The following RRAS2 variants were observed in gnomAD, a reference collection of about 807,000 sequenced individuals.
The protein encoded by RRAS2 is ras-related protein R-Ras2.
A neutral mutation model predicts 27.6 loss-of-function variants in RRAS2; 7 were observed. The observed-to-expected ratio is 0.25, with a 90% confidence interval of 0.14 to 0.48. The LOEUF is 0.48. Among genes scored for constraint, RRAS2 ranks in the 20% least tolerant of loss-of-function variants. RRAS2 has a pLI of 0.99. For synonymous variants in RRAS2, 86 were observed against 90.9 expected (o/e 0.95, Z 0.31); for missense variants, 178 against 256.2 (o/e 0.69, Z 2.08).
chr11:14,293,832 C>A (rs1484716342), intron 4 of RRAS2, among the ~76,000 whole-genome samples: 1 of 152,068 alleles, frequency 6.6e-6, no homozygotes, highest in African/African-American at 2.4e-5. Context: ...TGTTCCCCTC[C>A]CCTACAAAAA....
intron 1 of RRAS2, among the ~76,000 whole-genome samples, chr11:14,338,567 G>A (rs1394214668): frequency 6.6e-6 from 1 of 152,128 alleles, no homozygotes; most frequent in African/African-American, 2.4e-5. Flanking sequence ...CTGAGGTCAA[G>A]TTTTAAATTT....
chr11:14,302,548 G>A (rs1025268621), intron 1 of RRAS2, among the ~76,000 whole-genome samples: 7 of 152,152 alleles, frequency 4.6e-5, no homozygotes, highest in African/African-American at 1.4e-4. Flanking sequence ...AGCTAGTTTA[G>A]GGAAGGCATA....
In RRAS2 at chr11:14,359,134, C is replaced by G; in HGVS notation, c.-264G>C. 1 of 1,037,370 alleles carries G rather than the reference C, an allele frequency of 9.6e-7. No individual in the cohort carries two copies. Among genetic ancestry groups the G allele is most frequent in the Non-Finnish European group, 1.2e-6 (1 of 864,518 alleles). The allele number at this position is 1,037,370 out of a possible 1,614,324, so 64.3% of individuals were successfully genotyped here. On this transcript the variant is annotated 5_prime_UTR_variant, in exon 1 of 6. Transcript: ENST00000256196. ...GGGGGGCGCGCTCCTCTACGCGTCTCCGCAGCGCCTGCCGAACGCAGCCTC... is the reference window on the plus strand; with the variant it reads ...GGGGGGCGCGCTCCTCTACGCGTCTGCGCAGCGCCTGCCGAACGCAGCCTC...
At chr11:14,312,027 G>C (rs1591463471) in intron 1 of RRAS2, among the ~76,000 whole-genome samples, 1 of 152,032 alleles carries the variant, frequency 6.6e-6, no homozygotes, top group African/African-American at 2.4e-5. Flanking sequence ...ACCACACCTG[G>C]CTAATTTTTG....
At chr11:14,279,512 T>A in intron 5 of RRAS2, 88 bp from the exon 6 acceptor site, 1 of 972,772 alleles carries the variant, frequency 1.0e-6, no homozygotes, top group Non-Finnish European at 1.6e-6. Context: ...AGTTCACTTT[T>A]AAGTGTGTAT....
Position 14,358,879 on chromosome 11 carries a change from TAC to T in RRAS2, c.-11_-10del. 1 of 1,442,638 alleles carries T rather than the reference TAC, an allele frequency of 6.9e-7. No individual in the cohort carries two copies. The highest frequency in any genetic ancestry group is 3.1e-5 in the East Asian group (1 of 31,784). 89.4% of individuals were successfully genotyped at this position (1,442,638 alleles called of 1,614,324 possible). Reference sequence around the variant, plus strand: ...CAGCCGGCCGCGGCCATGGGGACGCTACAGAGCCCAGCCTGACTGCGCCGAGC... The same window carrying T: ...CAGCCGGCCGCGGCCATGGGGACGCTAGAGCCCAGCCTGACTGCGCCGAGC... On this transcript the variant is annotated 5_prime_UTR_variant, in exon 1 of 6. Coordinates refer to ENST00000256196, the MANE Select transcript of RRAS2 (RefSeq NM_012250.6). The surrounding 1 kb of genome is among the most constrained non-coding windows in gnomAD (Gnocchi z 5.1).
chr11:14,336,766 C>T (rs745506764), intron 1 of RRAS2, among the ~76,000 whole-genome samples: 114 of 152,206 alleles, frequency 7.5e-4, no homozygotes, highest in Non-Finnish European at 1.2e-3. Flanking sequence ...GATCTAACTT[C>T]CATGTTATCA....
At chr11:14,299,309 T>C (rs1466775722) in intron 1 of RRAS2, among the ~76,000 whole-genome samples, 2 of 152,288 alleles carry the variant, frequency 1.3e-5, no homozygotes, top group East Asian at 1.9e-4. Flanking sequence ...ATCCAAACGT[T>C]GTGAATCAAG....
intron 1 of RRAS2, among the ~76,000 whole-genome samples, chr11:14,341,600 T>C (rs868906231): frequency 6.6e-6 from 1 of 150,814 alleles, no homozygotes; most frequent in African/African-American, 2.4e-5. Flanking sequence ...AAAAAAAAAA[T>C]AAAAATAAAA....
intron 1 of RRAS2, among the ~76,000 whole-genome samples, chr11:14,340,413 T>C (rs1554953121): frequency 6.6e-6 from 1 of 151,874 alleles, no homozygotes; most frequent in African/African-American, 2.4e-5. Flanking sequence ...AAAAAAGTAT[T>C]CTGAGAATCC....
At chr11:14,301,572 A>C (rs1017980595) in intron 1 of RRAS2, among the ~76,000 whole-genome samples, 3 of 152,208 alleles carry the variant, frequency 2.0e-5, no homozygotes, top group Admixed American at 1.3e-4. Flanking sequence ...CAGAGAAGTA[A>C]AGTGACCTGC....
At chr11:14,286,757 TTATC>T (rs1190573068) in intron 4 of RRAS2, among the ~76,000 whole-genome samples, 1 of 152,212 alleles carries the variant, frequency 6.6e-6, no homozygotes, top group Non-Finnish European at 1.5e-5. Context: ...ATATCTAAGT[TTATC>T]TAACTTTTAA....
chr11:14,292,177 A>G (rs1847412703), intron 4 of RRAS2, among the ~76,000 whole-genome samples: 1 of 152,082 alleles, frequency 6.6e-6, no homozygotes, highest in African/African-American at 2.4e-5. Flanking sequence ...AGACAACTTA[A>G]AAATAACTCA....
At chr11:14,362,580 A>T (rs1411835900), upstream of RRAS2, among the ~76,000 whole-genome samples, 1 of 152,230 alleles carries the variant, frequency 6.6e-6, no homozygotes, top group Non-Finnish European at 1.5e-5. Flanking sequence ...ACTTAATCTG[A>T]AAAGTTTCCT....
chr11:14,353,095 A>G (rs1848999334), intron 1 of RRAS2, among the ~76,000 whole-genome samples: 1 of 152,068 alleles, frequency 6.6e-6, no homozygotes, highest in Non-Finnish European at 1.5e-5. Context: ...CACCGTGCCC[A>G]GCTAAAATTT....
At chr11:14,282,422 T>A (rs1261396985) in intron 4 of RRAS2, among the ~76,000 whole-genome samples, 1 of 152,142 alleles carries the variant, frequency 6.6e-6, no homozygotes, top group South Asian at 2.1e-4. Context: ...AAAGGTGGCA[T>A]AGCTGATTGA....
At chr11:14,331,450 T>C (rs1554951872) in intron 1 of RRAS2, among the ~76,000 whole-genome samples, 4 of 152,008 alleles carry the variant, frequency 2.6e-5, no homozygotes, top group South Asian at 2.1e-4. Flanking sequence ...ATATAACTTA[T>C]CCAAAAAATT....
intron 1 of RRAS2, among the ~76,000 whole-genome samples, chr11:14,311,348 AAAAAAT>A (rs1288066500): frequency 5.9e-5 from 9 of 152,144 alleles, no homozygotes; most frequent in Non-Finnish European, 8.8e-5. Context: ...ATCTGTCTTT[AAAAAAT>A]AAAAATAAAA....
Position 14,302,147 on chromosome 11 carries a change from T to C in RRAS2, c.109-6292A>G, listed in dbSNP as rs1395321626. ...GACTAACAAATTTTCTTTCTTTTCTTCTCCTTCTTGAGCTCCTGCTCAGCT... is the reference window on the plus strand; with the variant it reads ...GACTAACAAATTTTCTTTCTTTTCTCCTCCTTCTTGAGCTCCTGCTCAGCT... On this transcript the variant is annotated intron_variant, in intron 1 of 5. Transcript: ENST00000256196. 2.7e-5 allele frequency among the ~76,000 whole-genome samples: 4 copies of C among 147,856 alleles called. No homozygotes were observed. In the East Asian group the frequency reaches 8.2e-4, roughly 30 times the overall value.
Sources: gnomAD v4.1 joint callset for allele counts (sites outside exome capture counted in the v4.1 genomes callset) on GRCh38, gnomAD v4.1.1 for gene constraint, Gnocchi (gnomAD v3.1) non-coding constraint, MANE v1.5 for transcripts, NCBI Gene and HGNC (gene_info 2026-07-23, HGNC 2026-07-21) for gene names.